Variants in NAA16 observed in about 807,000 individuals in gnomAD.
The protein encoded by NAA16 is NARG1-like protein.
A neutral mutation model predicts 110.3 loss-of-function variants in NAA16; 97 were observed. The ratio of observed to expected loss-of-function variants is 0.88; its 90% CI spans 0.75 to 1.04. The LOEUF (loss-of-function observed/expected upper bound fraction) is 1.04, where lower values mean the gene tolerates loss of function less well. Among genes scored for constraint, NAA16 ranks in the 50% least tolerant of loss-of-function variants. The pLI, the probability that NAA16 is intolerant of heterozygous loss-of-function variation, is 0.00. For missense variants in NAA16, 1,017 were observed against 1,005.1 expected (o/e 1.01, Z -0.16); for synonymous variants, 372 against 330.6 (o/e 1.13, Z -1.36).
At chr13:41,339,536 A>G (rs934110432) in intron 9 of NAA16, among the ~76,000 whole-genome samples, 2 of 151,984 alleles carry the variant, frequency 1.3e-5, no homozygotes, top group Non-Finnish European at 2.9e-5. Context: ...GACAAATTCC[A>G]TAACTTTTTT....
chr13:41,365,958 T>C (rs1593524226), intron 13 of NAA16, among the ~76,000 whole-genome samples: 1 of 152,244 alleles, frequency 6.6e-6, no homozygotes, highest in South Asian at 2.1e-4. Context: ...TCCAGGACTT[T>C]TAGCGCCACC....
Position 41,373,947 on chromosome 13 carries a change from A to T in NAA16, c.2299+167A>T, listed in dbSNP as rs551047956. ...TCAATAATAGGGGAAACAGGGATGG[A>T]TTCACAGGATGTAATACCAGATTTA... is the stretch of plus-strand genomic sequence containing the variant. On this transcript the variant is annotated intron_variant, in intron 18 of 19. Transcript: ENST00000379406. 2.6e-3 allele frequency: 2,850 copies of T among 1,114,250 alleles called. 8 individuals carry two copies. The highest frequency in any genetic ancestry group is 3.1e-3 in the Non-Finnish European group (2,609 of 854,184). 69.0% of individuals were successfully genotyped at this position (1,114,250 alleles called of 1,614,324 possible).
chr13:41,316,801 A>T (rs754249987), intron 1 of NAA16, 45 bp from the exon 2 acceptor site: 4 of 1,285,594 alleles, frequency 3.1e-6, no homozygotes, highest in African/African-American at 2.9e-5. Context: ...TTGCTCCATT[A>T]TGTATTCATT....
At chr13:41,333,601 TG>T (rs1178406793) in intron 8 of NAA16, among the ~76,000 whole-genome samples, 2 of 152,038 alleles carry the variant, frequency 1.3e-5, no homozygotes, top group East Asian at 1.9e-4. Context: ...ATATTGTGTG[TG>T]GGGGGGATAT....
intron 3 of NAA16, among the ~76,000 whole-genome samples, chr13:41,320,387 A>G (rs1326218368): frequency 6.6e-6 from 1 of 152,194 alleles, no homozygotes; most frequent in Non-Finnish European, 1.5e-5. Context: ...GTTACTTAAA[A>G]TATTACAGAA....
chr13:41,336,076 G>C (rs2042373329), intron 8 of NAA16, among the ~76,000 whole-genome samples: 1 of 152,048 alleles, frequency 6.6e-6, no homozygotes. Context: ...TGTAATGTTA[G>C]AATGCCCATG....
chr13:41,350,543 G>T (rs1170396202), intron 9 of NAA16, among the ~76,000 whole-genome samples: 1 of 149,986 alleles, frequency 6.7e-6, no homozygotes, highest in African/African-American at 2.5e-5. Flanking sequence ...TGATCCACCC[G>T]CCTCGGCCTC....
intron 9 of NAA16, among the ~76,000 whole-genome samples, chr13:41,348,818 A>G (rs2042752124): frequency 6.6e-6 from 1 of 152,084 alleles, no homozygotes; most frequent in African/African-American, 2.4e-5. Flanking sequence ...TTATGTATTC[A>G]AACTCTTCAT....
At position 41,328,848 on chromosome 13, in the gene NAA16, G is replaced by A. The variant is rs1360986679; in HGVS notation, c.811+5G>A. 1.3e-6 allele frequency: 2 copies of A among 1,590,972 alleles called. No individual in the cohort carries two copies. Among genetic ancestry groups the A allele is most frequent in the Non-Finnish European group, 1.7e-6 (2 of 1,162,320 alleles). ...TGGAAAAAGCTCTACAAATTAGTAT[G>A]TAATGATTTTTCTCCTCTTTCTCAT... On this transcript the variant is annotated splice_donor_5th_base_variant and intron_variant, in intron 7 of 19. Coordinates refer to ENST00000379406, the MANE Select transcript of NAA16 (RefSeq NM_024561.5).
chr13:41,354,267 A>G (rs2042921921), intron 9 of NAA16, among the ~76,000 whole-genome samples: 1 of 152,184 alleles, frequency 6.6e-6, no homozygotes, highest in South Asian at 2.1e-4. Flanking sequence ...GGTTTCATGG[A>G]CACTGTCCTG....
At chr13:41,344,993 T>A (rs1469896231) in intron 9 of NAA16, among the ~76,000 whole-genome samples, 1 of 152,222 alleles carries the variant, frequency 6.6e-6, no homozygotes, top group Admixed American at 6.5e-5. Flanking sequence ...TATATAGTCT[T>A]TTTGGGTCTG....
At chr13:41,353,610 A>G (rs1034905827) in intron 9 of NAA16, among the ~76,000 whole-genome samples, 3 of 152,032 alleles carry the variant, frequency 2.0e-5, no homozygotes, top group African/African-American at 7.2e-5. Flanking sequence ...TAAAAAAAAA[A>G]AAAAAAATTA....
At chr13:41,336,899 C>G (rs1182293842) in intron 9 of NAA16, 143 bp downstream of exon 9, 6 of 492,224 alleles carry the variant, frequency 1.2e-5, no homozygotes, top group Non-Finnish European at 2.1e-5. Context: ...ACTGAAATTA[C>G]ATGCCTGTAG....
rs567936116 is a variant in NAA16, at chr13:41,349,072, A to G, written c.1015-6072A>G. On this transcript the variant is annotated intron_variant, in intron 9 of 19. Transcript: ENST00000379406. ...GCCAATTTTCTTGATCTAAAGAGCCAGGTTTTGGGTTTGTTGACTTTCCTC... is the reference window on the plus strand; with the variant it reads ...GCCAATTTTCTTGATCTAAAGAGCCGGGTTTTGGGTTTGTTGACTTTCCTC... Among the ~76,000 whole-genome samples, 8 of 152,182 alleles carry G rather than the reference A, an allele frequency of 5.3e-5. No homozygotes were observed. The South Asian group carries it at 1.4e-3, about 28-fold the overall frequency.
Position 41,367,600 on chromosome 13 carries a change from A to G in NAA16, c.1701A>G (p.Lys567=), listed in dbSNP as rs372165289. ...GATCAGCGATTGAAATATACTTGAA[A>G]TTGTATGATAATCCCTTAACCAATG... is the stretch of plus-strand genomic sequence containing the variant. ...AARSAIEIYL[K]LYDNPLTNES... is the part of the protein sequence containing the mutation. Residue 567 remains lysine (K), a synonymous_variant, in exon 14 of 20, where the codon AAA becomes AAG. Coordinates refer to ENST00000379406, the MANE Select transcript of NAA16 (RefSeq NM_024561.5). 2,192 of 1,613,210 alleles carry G rather than the reference A, an allele frequency of 1.4e-3. 43 individuals carry two copies. In the South Asian group the frequency reaches 0.023, roughly 17 times the overall value.
chr13:41,346,933 T>C (rs1269612175), intron 9 of NAA16, among the ~76,000 whole-genome samples: 1 of 152,042 alleles, frequency 6.6e-6, no homozygotes, highest in Non-Finnish European at 1.5e-5. Context: ...AATTAGGAAG[T>C]GTGAGCCGGG....
At chr13:41,329,763 G>T (rs2042186107) in intron 7 of NAA16, among the ~76,000 whole-genome samples, 1 of 151,836 alleles carries the variant, frequency 6.6e-6, no homozygotes, top group Non-Finnish European at 1.5e-5. Flanking sequence ...TATGTGTGAA[G>T]GCTGAAAACA....
chr13:41,369,596 A>G (rs977166584), intron 15 of NAA16, among the ~76,000 whole-genome samples: 1 of 152,176 alleles, frequency 6.6e-6, no homozygotes, highest in Non-Finnish European at 1.5e-5. Context: ...TTATGGTTGT[A>G]ATGAATTGAC....
chr13:41,362,545 C>G (rs573318103), intron 13 of NAA16: 35 of 435,914 alleles, frequency 8.0e-5, no homozygotes, highest in Admixed American at 4.1e-4. Flanking sequence ...CAGTCAGCCT[C>G]TCTCCAGTTT....
Sources: gnomAD v4.1 joint callset for allele counts (sites outside exome capture counted in the v4.1 genomes callset) on GRCh38, gnomAD v4.1.1 for gene constraint, MANE v1.5 for transcripts, NCBI Gene and HGNC (gene_info 2026-07-23, HGNC 2026-07-21) for gene names.